Variants in POU6F2 observed in about 807,000 individuals in gnomAD.
POU6F2 encodes the protein POU class 6 homeobox 2.
A neutral mutation model predicts 71.3 loss-of-function variants in POU6F2; 31 were observed. The ratio of observed to expected loss-of-function variants is 0.43; its 90% CI spans 0.33 to 0.59. The LOEUF (loss-of-function observed/expected upper bound fraction) is 0.59. Ranked by LOEUF, POU6F2 falls within the 20% of genes least tolerant of loss-of-function variation. The pLI, the probability that POU6F2 is intolerant of heterozygous loss-of-function variation, is 0.04. For synonymous variants in POU6F2, 347 were observed against 355.7 expected, an observed-to-expected ratio of 0.98 and a Z score of 0.27; for missense variants, 783 against 856.8, an observed-to-expected ratio of 0.91 and a Z score of 1.07.
chr7:39,295,030 A>G (rs2128763137), intron 4 of POU6F2, among the ~76,000 whole-genome samples: 1 of 152,336 alleles, frequency 6.6e-6, no homozygotes, highest in African/African-American at 2.4e-5. Flanking sequence ...AGAGAAACAG[A>G]TTATGAATAG....
chr7:39,153,829 G>A (rs1472684976), intron 2 of POU6F2, among the ~76,000 whole-genome samples: 1 of 152,136 alleles, frequency 6.6e-6, no homozygotes, highest in African/African-American at 2.4e-5. Context: ...AGCCTTGCGG[G>A]CAAAGGGGAC....
intron 5 of POU6F2, among the ~76,000 whole-genome samples, chr7:39,361,496 G>A (rs1002428295): frequency 4.6e-5 from 7 of 152,304 alleles, no homozygotes; most frequent in Non-Finnish European, 8.8e-5. Flanking sequence ...AAAGCTGAAA[G>A]CATGCAGACC....
At chr7:39,092,150 T>G (rs1212478757) in intron 2 of POU6F2, among the ~76,000 whole-genome samples, 1 of 152,172 alleles carries the variant, frequency 6.6e-6, no homozygotes, top group African/African-American at 2.4e-5. Context: ...AGCAAAGTGT[T>G]TATACCAAAC....
At chr7:39,336,940 T>C (rs1204404067) in intron 4 of POU6F2, among the ~76,000 whole-genome samples, 1 of 152,250 alleles carries the variant, frequency 6.6e-6, no homozygotes, top group Admixed American at 6.5e-5. Flanking sequence ...AACACATTTG[T>C]ATTTTTCCAG....
At chr7:39,084,457 C>T (rs894481700) in intron 1 of POU6F2, among the ~76,000 whole-genome samples, 5 of 152,152 alleles carry the variant, frequency 3.3e-5, no homozygotes, top group Admixed American at 2.0e-4. Context: ...CAGCTAAATG[C>T]GTGCTGAGTG....
At chr7:39,332,983 A>AT (rs1562793517) in intron 4 of POU6F2, among the ~76,000 whole-genome samples, 1 of 151,948 alleles carries the variant, frequency 6.6e-6, no homozygotes, top group Non-Finnish European at 1.5e-5. Context: ...CTTTTTTGAG[A>AT]TTTTAGGCCT....
intron 4 of POU6F2, among the ~76,000 whole-genome samples, chr7:39,277,713 G>C (rs923160268): frequency 3.3e-5 from 5 of 151,994 alleles, no homozygotes; most frequent in Admixed American, 3.3e-4. Flanking sequence ...CCACCGAAGT[G>C]GTTAGGGGGA....
At chr7:39,136,734 C>T (rs1012191332) in intron 2 of POU6F2, among the ~76,000 whole-genome samples, 2 of 151,936 alleles carry the variant, frequency 1.3e-5, no homozygotes, top group Non-Finnish European at 2.9e-5. Context: ...TAGCTCACAC[C>T]TGTAATCCCA....
intron 1 of POU6F2, among the ~76,000 whole-genome samples, chr7:39,016,981 G>A (rs1789567376): frequency 6.6e-6 from 1 of 152,188 alleles, no homozygotes; most frequent in African/African-American, 2.4e-5. Context: ...GGGAACCCGT[G>A]AATGTCATAA....
intron 4 of POU6F2, among the ~76,000 whole-genome samples, chr7:39,222,925 A>G (rs1794398382): frequency 6.6e-6 from 1 of 152,202 alleles, no homozygotes; most frequent in Non-Finnish European, 1.5e-5. Context: ...GGAATGCTAG[A>G]TCATACGGTA....
At chr7:39,134,014 A>G (rs927471579) in intron 2 of POU6F2, among the ~76,000 whole-genome samples, 3 of 152,156 alleles carry the variant, frequency 2.0e-5, no homozygotes, top group African/African-American at 4.8e-5. Flanking sequence ...AGCTGGAACT[A>G]CAGGCGTGTA....
At chr7:39,086,104 C>A in intron 2 of POU6F2, 73 bp downstream of exon 2, 3 of 1,423,012 alleles carry the variant, frequency 2.1e-6, no homozygotes, top group Non-Finnish European at 2.8e-6. Flanking sequence ...CCCCAACCCC[C>A]CCTTTTTTTC....
At chr7:39,259,612 G>A (rs935568302) in intron 4 of POU6F2, among the ~76,000 whole-genome samples, 6 of 152,098 alleles carry the variant, frequency 3.9e-5, no homozygotes, top group Non-Finnish European at 2.9e-5. Flanking sequence ...GGCGGCACAG[G>A]GACACACAGG....
chr7:39,344,416 G>A (rs1209259603), intron 5 of POU6F2, among the ~76,000 whole-genome samples: 1 of 152,096 alleles, frequency 6.6e-6, no homozygotes, highest in Non-Finnish European at 1.5e-5. Context: ...GTTGCGCAGT[G>A]GGCATTGCCT....
chr7:39,062,075 T>C (rs535768245), intron 1 of POU6F2, among the ~76,000 whole-genome samples: 9 of 152,316 alleles, frequency 5.9e-5, no homozygotes, highest in African/African-American at 1.9e-4. Flanking sequence ...TGGTCTTCTC[T>C]TCTACTTTTT....
chr7:39,447,305 G>C (rs1016227443), intron 7 of POU6F2, among the ~76,000 whole-genome samples: 4 of 152,188 alleles, frequency 2.6e-5, no homozygotes, highest in Admixed American at 2.6e-4. Context: ...AGCTCACCAT[G>C]ATCTATCAGT....
intron 5 of POU6F2, among the ~76,000 whole-genome samples, chr7:39,361,748 G>A (rs1001558463): frequency 2.6e-5 from 4 of 152,196 alleles, no homozygotes; most frequent in Admixed American, 2.6e-4. Context: ...ATTAAAAGAT[G>A]TGTTTCTCTC....
Position 39,201,870 on chromosome 7 carries a change from C to T in POU6F2, c.278-2365C>T, listed in dbSNP as rs78971660. Among the ~76,000 whole-genome samples, 2,276 of 152,256 alleles carry T rather than the reference C, an allele frequency of 0.015. 280 individuals are homozygous for T. In the East Asian group the frequency reaches 0.32, roughly 21 times the overall value. ...CTGAGAAGGCCCCTGATTCCAGAGC[C>T]GCCTTCCAACCAGACGGATTAGTTT... On this transcript the variant is annotated intron_variant, in intron 2 of 9. Coordinates refer to ENST00000518318, the MANE Select transcript of POU6F2 (RefSeq NM_001370959.1).
chr7:39,142,717 T>C (rs1792529415), intron 2 of POU6F2, among the ~76,000 whole-genome samples: 1 of 152,202 alleles, frequency 6.6e-6, no homozygotes, highest in South Asian at 2.1e-4. Flanking sequence ...AAATTCCTGC[T>C]TATTTGAGCT....
Sources: gnomAD v4.1 joint callset for allele counts (sites outside exome capture counted in the v4.1 genomes callset) on GRCh38, gnomAD v4.1.1 for gene constraint, MANE v1.5 for transcripts, NCBI Gene and HGNC (gene_info 2026-07-23, HGNC 2026-07-21) for gene names.